Variants in PID1 observed in about 807,000 individuals in gnomAD.
PID1 encodes phosphotyrosine interaction domain containing 1.
In PID1, 10 loss-of-function variants were observed where a neutral mutation model predicts 19.1. The ratio of observed to expected loss-of-function variants is 0.52; its 90% CI spans 0.32 to 0.89. The LOEUF is 0.89. Ranked by LOEUF, PID1 falls within the 40% of genes least tolerant of loss-of-function variation. The probability of loss-of-function intolerance (pLI) is 0.03; values close to 1 mark genes in which losing one functional copy is unlikely to be tolerated. For missense variants in PID1, 248 were observed against 285.3 expected, an observed-to-expected ratio of 0.87 and a Z score of 0.94; for synonymous variants, 130 against 116.0, an observed-to-expected ratio of 1.12 and a Z score of -0.78.
intron 2 of PID1, among the ~76,000 whole-genome samples, chr2:229,087,362 G>A (rs1278077690): frequency 1.3e-5 from 2 of 152,158 alleles, no homozygotes; most frequent in South Asian, 2.1e-4. Context: ...GGATTCCAGT[G>A]ACATGTAGTT....
chr2:229,185,349 A>G (rs769694910), intron 1 of PID1, among the ~76,000 whole-genome samples: 18 of 152,024 alleles, frequency 1.2e-4, no homozygotes, highest in Non-Finnish European at 2.1e-4. Flanking sequence ...TGGATGGCCA[A>G]TTGGTCCATG....
chr2:229,115,016 A>T (rs963296071), intron 2 of PID1, among the ~76,000 whole-genome samples: 3 of 152,110 alleles, frequency 2.0e-5, no homozygotes, highest in Non-Finnish European at 2.9e-5. Flanking sequence ...TAACATCTTA[A>T]TTTTTTGCAA....
At chr2:229,113,527 T>TATATATAA (rs1342609431) in intron 2 of PID1, among the ~76,000 whole-genome samples, 2 of 146,910 alleles carry the variant, frequency 1.4e-5, no homozygotes, top group African/African-American at 5.0e-5. Flanking sequence ...TATATATATA[T>TATATATAA]AAATACATAA....
chr2:229,107,503 CAAAAAAA>C (rs36057425), intron 2 of PID1, among the ~76,000 whole-genome samples: 6 of 119,220 alleles, frequency 5.0e-5, no homozygotes, highest in East Asian at 4.7e-4. Context: ...AATATATCAC[CAAAAAAA>C]AAAAAAAAAA....
intron 2 of PID1, among the ~76,000 whole-genome samples, chr2:229,043,571 G>A (rs1246686752): frequency 6.6e-6 from 1 of 152,212 alleles, no homozygotes; most frequent in Non-Finnish European, 1.5e-5. Flanking sequence ...TAGTGAGAGT[G>A]TACTTGCACT....
At chr2:229,114,911 A>G (rs1431687493) in intron 2 of PID1, among the ~76,000 whole-genome samples, 1 of 152,202 alleles carries the variant, frequency 6.6e-6, no homozygotes, top group Non-Finnish European at 1.5e-5. Context: ...TTAGTCAATG[A>G]TAGACCTAAT....
At chr2:229,172,778 C>A (rs59878934) in intron 1 of PID1, among the ~76,000 whole-genome samples, 21,025 of 152,082 alleles carry the variant, frequency 0.14, 1,662 homozygotes, top group East Asian at 0.34. Context: ...GTTGCCCAGA[C>A]AGGAGTGCAA....
chr2:229,191,137 G>A (rs555337223), intron 1 of PID1, among the ~76,000 whole-genome samples: 99 of 152,244 alleles, frequency 6.5e-4, no homozygotes, highest in Non-Finnish European at 1.1e-3. Context: ...TTGAGGGACC[G>A]TCCTGGATGT....
chr2:229,171,160 A>G (rs1213015774), intron 1 of PID1, among the ~76,000 whole-genome samples: 1 of 152,238 alleles, frequency 6.6e-6, no homozygotes, highest in Non-Finnish European at 1.5e-5. Flanking sequence ...GTCCATGCAC[A>G]TTTGGTTTTG....
At chr2:229,089,701 A>G (rs1223844107) in intron 2 of PID1, among the ~76,000 whole-genome samples, 3 of 152,200 alleles carry the variant, frequency 2.0e-5, no homozygotes, top group Non-Finnish European at 4.4e-5. Flanking sequence ...CTGGAATACT[A>G]AAGAGCCAGC....
intron 2 of PID1, among the ~76,000 whole-genome samples, chr2:229,036,828 A>G (rs1464498045): frequency 6.6e-6 from 1 of 152,198 alleles, no homozygotes; most frequent in Non-Finnish European, 1.5e-5. Flanking sequence ...GAAGCCTACT[A>G]ATTGTCATTC....
intron 1 of PID1, among the ~76,000 whole-genome samples, chr2:229,159,570 G>C (rs1395201322): frequency 6.6e-6 from 1 of 152,020 alleles, no homozygotes; most frequent in Non-Finnish European, 1.5e-5. Flanking sequence ...TGCAGTTTTG[G>C]ACTTTTCTTG....
chr2:229,150,560 G>A (rs7569303), intron 2 of PID1, among the ~76,000 whole-genome samples: 43,179 of 152,008 alleles, frequency 0.28, 6,967 homozygotes, highest in East Asian at 0.69. Context: ...TTCTCTTCTG[G>A]GTTACTTCCC....
chr2:229,150,693 T>C (rs985406338), intron 2 of PID1, among the ~76,000 whole-genome samples: 1 of 152,212 alleles, frequency 6.6e-6, no homozygotes, highest in Non-Finnish European at 1.5e-5. Flanking sequence ...GTTTGTTTGT[T>C]ACAATATTGC....
At chr2:229,111,035 T>C (rs557411093) in intron 2 of PID1, among the ~76,000 whole-genome samples, 1 of 152,198 alleles carries the variant, frequency 6.6e-6, no homozygotes, top group Non-Finnish European at 1.5e-5. Context: ...TGAGATCTGA[T>C]GCTTTTATAA....
chr2:229,269,174 G>A (rs1442640099), intron 1 of PID1, among the ~76,000 whole-genome samples: 1 of 150,998 alleles, frequency 6.6e-6, no homozygotes, highest in Non-Finnish European at 1.5e-5. Flanking sequence ...TTGGTGATAA[G>A]CCCTGTTTAT....
intron 2 of PID1, among the ~76,000 whole-genome samples, chr2:229,058,157 C>CTA (rs1315952515): frequency 1.3e-5 from 2 of 152,284 alleles, no homozygotes; most frequent in African/African-American, 4.8e-5. Context: ...TAATCCTGCT[C>CTA]TATATTACAA....
intron 2 of PID1, among the ~76,000 whole-genome samples, chr2:229,106,366 C>G (rs562256890): frequency 6.6e-6 from 1 of 152,320 alleles, no homozygotes. Flanking sequence ...AACTCAGGGA[C>G]AAAGCATCTC....
At chr2:229,116,422 G>C (rs972500507) in intron 2 of PID1, among the ~76,000 whole-genome samples, 1 of 152,050 alleles carries the variant, frequency 6.6e-6, no homozygotes, top group Admixed American at 6.5e-5. Context: ...CATATCTTGT[G>C]TTGCTGATAT....
Sources: allele counts gnomAD v4.1 joint callset (sites outside exome capture counted in the v4.1 genomes callset), GRCh38; gene constraint gnomAD v4.1.1; transcripts MANE v1.5; gene names NCBI Gene and HGNC (gene_info 2026-07-23, HGNC 2026-07-21).